The following PHF8 variants were observed in gnomAD, a reference collection of about 807,000 sequenced individuals.
The protein encoded by PHF8 is histone lysine demethylase PHF8.
Under a neutral mutation model 74.4 loss-of-function variants are expected in PHF8, and 9 were observed. The ratio of observed to expected loss-of-function variants is 0.12; its 90% CI spans 0.07 to 0.21. The LOEUF is 0.21. Ranked by LOEUF, PHF8 falls within the 10% of genes least tolerant of loss-of-function variation. The pLI is 1.00. For missense variants in PHF8, 478 were observed against 816.6 expected (o/e 0.59, Z 5.05); for synonymous variants, 311 against 316.6 (o/e 0.98, Z 0.19).
intron 2 of PHF8, among the ~76,000 whole-genome samples, chrX:54,023,131 A>T (rs2066205935): frequency 2.8e-5 from 3 of 105,874 alleles, no homozygotes; most frequent in Admixed American, 2.0e-4. Flanking sequence ...ATGTGCCACC[A>T]TGCCTGGCTA....
intron 19 of PHF8, among the ~76,000 whole-genome samples, chrX:53,954,195 CAATTAGAA>C (rs1360655418): frequency 9.0e-6 from 1 of 111,006 alleles, no homozygotes; most frequent in African/African-American, 3.3e-5. Context: ...ATGGATAGAG[CAATTAGAA>C]AATCAGCAAA....
intron 18 of PHF8, among the ~76,000 whole-genome samples, chrX:53,965,561 C>G (rs1216176189): frequency 8.9e-6 from 1 of 112,128 alleles, no homozygotes; most frequent in Non-Finnish European, 1.9e-5. Flanking sequence ...CTTGCTTGAA[C>G]CCGGGAGGTG....
chrX:54,044,536 C>T (rs1255760953), upstream of PHF8: 15 of 395,102 alleles, frequency 3.8e-5, no homozygotes, highest in Non-Finnish European at 4.5e-5. Context: ...ATCGGGGGGG[C>T]GGGGCGCCAC....
rs371606853 is a variant in PHF8, at chrX:54,026,000, T to C, written c.99-3157A>G. 1.1e-4 allele frequency among the ~76,000 whole-genome samples: 12 copies of C among 111,378 alleles called. No individual in the cohort carries two copies. In the East Asian group the frequency reaches 2.5e-3, roughly 23 times the overall value. On this transcript the variant is annotated intron_variant, in intron 2 of 21. Transcript: ENST00000338154. The stretch of plus-strand genomic sequence containing the variant: ...GTACAACTACCTAACTCTAGACCAC[T>C]AGATGTGGCTAGAGAAAAATAACCC...
intron 2 of PHF8, among the ~76,000 whole-genome samples, chrX:54,038,084 A>T (rs2066492507): frequency 8.9e-6 from 1 of 111,897 alleles, no homozygotes; most frequent in Admixed American, 9.5e-5. Context: ...AAATCAATAA[A>T]TGCTTGCCAA....
chrX:53,947,248 G>C, intron 19 of PHF8, among the ~76,000 whole-genome samples: 1 of 111,415 alleles, frequency 9.0e-6, no homozygotes, highest in African/African-American at 3.3e-5. Flanking sequence ...CTAACCTCAA[G>C]TGATCCACCC....
intron 19 of PHF8, among the ~76,000 whole-genome samples, chrX:53,954,638 GAC>G (rs1267935926): frequency 4.3e-5 from 2 of 46,154 alleles, no homozygotes; most frequent in African/African-American, 1.6e-4. Flanking sequence ...AAATCTGGGT[GAC>G]AGATATATAT....
chrX:53,938,373 C>T lies in PHF8; in HGVS notation c.*785G>A. ...GTTCTACATGATTTCAAAATCCAGG[C>T]AAATCCCTGGAGCTCACCCTAAAAC... is the stretch of plus-strand genomic sequence containing the variant. On this transcript the variant is annotated 3_prime_UTR_variant, in exon 22 of 22. Coordinates refer to ENST00000338154, the MANE Select transcript of PHF8 (RefSeq NM_015107.3). The T allele has an allele frequency of 1.1e-6, 1 of 896,773 alleles. No homozygotes were observed. Among genetic ancestry groups the T allele is most frequent in the East Asian group, 5.9e-5 (1 of 16,978 alleles). The allele number at this position is 896,773 out of a possible 1,213,427, so 73.9% of individuals were successfully genotyped here.
chrX:53,955,641 T>C (rs2065003921), intron 19 of PHF8, among the ~76,000 whole-genome samples: 1 of 105,684 alleles, frequency 9.5e-6, no homozygotes, highest in Admixed American at 1.1e-4. Context: ...ATAATAGCAG[T>C]GTTAGTGGGC....
At chrX:54,008,485 T>TC (rs782475567) in intron 8 of PHF8, among the ~76,000 whole-genome samples, 3 of 108,797 alleles carry the variant, frequency 2.8e-5, no homozygotes, top group African/African-American at 1.0e-4. Flanking sequence ...GGTTGGGAGT[T>TC]CGAGACCAGC....
chrX:53,949,811 C>CAAAAAAAAAAAAAAAAAAAAAAA (rs11353359), intron 19 of PHF8, among the ~76,000 whole-genome samples: 2 of 24,349 alleles, frequency 8.2e-5, no homozygotes, highest in Non-Finnish European at 1.6e-4. Context: ...GACTCCGTCT[C>CAAAAAAAAAAAAAAAAAAAAAAA]AAAAAAAAAA....
chrX:53,996,505 G>T (rs183095626), intron 11 of PHF8, among the ~76,000 whole-genome samples: 1 of 109,625 alleles, frequency 9.1e-6, no homozygotes, highest in African/African-American at 3.3e-5. Flanking sequence ...GGTGGCCCAG[G>T]GAAGCCAAAA....
At chrX:54,016,796 G>A in intron 5 of PHF8, 60 bp from the exon 6 acceptor site, 1 of 955,013 alleles carries the variant, frequency 1.0e-6, no homozygotes, top group South Asian at 2.0e-5. Context: ...AGACTCTCTT[G>A]TCCCCTCATC....
In PHF8 at chrX:53,995,753, C is replaced by T. The variant is rs782450297; in HGVS notation, c.1263G>A (p.Pro421=). Residue 421 remains proline, a synonymous_variant, in exon 12 of 22, where the codon CCG becomes CCA. Transcript: ENST00000338154. ...TGAGCTGTACGGTTCGCACTGTCTC[C>T]GGGATCTCATCCTCATGGTCTGGCA... The part of the protein sequence containing the change: ...EALPDHEDEI[P]ETVRTVQLIK... The T allele has an allele frequency of 6.7e-6, 8 of 1,197,207 alleles. No individual in the cohort carries two copies. Among genetic ancestry groups the T allele is most frequent in the East Asian group, 3.0e-5 (1 of 33,697 alleles).
intron 2 of PHF8, among the ~76,000 whole-genome samples, chrX:54,036,333 C>G (rs782053591): frequency 9.1e-6 from 1 of 109,450 alleles, no homozygotes; most frequent in East Asian, 2.8e-4. Context: ...AAAGTATATT[C>G]TCTGACCACT....
At chrX:54,033,499 G>C (rs1008122481) in intron 2 of PHF8, among the ~76,000 whole-genome samples, 1 of 111,688 alleles carries the variant, frequency 9.0e-6, no homozygotes, top group Admixed American at 9.5e-5. Context: ...CAGATCACGA[G>C]GTCAGGAGTT....
intron 19 of PHF8, among the ~76,000 whole-genome samples, chrX:53,948,192 G>T (rs1244111808): frequency 1.8e-5 from 2 of 112,220 alleles, no homozygotes; most frequent in Non-Finnish European, 3.8e-5. Flanking sequence ...GGGAAATTTG[G>T]TTATGAACTG....
chrX:53,985,713 A>T lies in PHF8; in HGVS notation c.2129+103T>A, dbSNP rs972172690. ...CCTGGATAATTCTTTGTCCCTTTAAATAGCTCTATAAATATCTACTGATTG... is the reference window on the plus strand; with the variant it reads ...CCTGGATAATTCTTTGTCCCTTTAATTAGCTCTATAAATATCTACTGATTG... On this transcript the variant is annotated intron_variant, in intron 17 of 21. Transcript: ENST00000338154. 3.4e-6 allele frequency: 4 copies of T among 1,172,589 alleles called. No individual in the cohort carries two copies. The African/African-American group carries it at 7.1e-5, about 21-fold the overall frequency.
intron 14 of PHF8, among the ~76,000 whole-genome samples, chrX:53,990,160 T>TA (rs1186510414): frequency 1.8e-5 from 2 of 111,676 alleles, no homozygotes; most frequent in African/African-American, 3.2e-5. Context: ...TAATAATTTT[T>TA]AAAAAAATTT....
Sources: allele counts gnomAD v4.1 joint callset (sites outside exome capture counted in the v4.1 genomes callset), GRCh38; gene constraint gnomAD v4.1.1; transcripts MANE v1.5; gene names NCBI Gene and HGNC (gene_info 2026-07-23, HGNC 2026-07-21).